Variants in TMEM108 observed in about 807,000 individuals in gnomAD.
The protein encoded by TMEM108 is cancer/testis antigen 124.
In TMEM108, 12 loss-of-function variants were observed where a neutral mutation model predicts 35.1. The ratio of observed to expected loss-of-function variants is 0.34; its 90% CI spans 0.22 to 0.55. The LOEUF is 0.55. Among genes scored for constraint, TMEM108 ranks in the 20% least tolerant of loss-of-function variants. The pLI, the probability that TMEM108 is intolerant of heterozygous loss-of-function variation, is 0.89. For missense variants in TMEM108, 680 were observed against 753.3 expected (o/e 0.90, Z 1.14); for synonymous variants, 287 against 308.6 (o/e 0.93, Z 0.73).
intron 3 of TMEM108, among the ~76,000 whole-genome samples, chr3:133,379,154 C>G (rs945646945): frequency 4.6e-5 from 7 of 152,190 alleles, no homozygotes; most frequent in Non-Finnish European, 1.0e-4. Context: ...CCTCCAGGGT[C>G]AGGGAGAGGG....
intron 2 of TMEM108, among the ~76,000 whole-genome samples, chr3:133,135,413 A>C (rs1944551532): frequency 6.6e-6 from 1 of 152,166 alleles, no homozygotes; most frequent in Non-Finnish European, 1.5e-5. Context: ...GTGTACATTA[A>C]ATTATGGAAG....
chr3:133,188,865 G>T (rs1281370935), intron 2 of TMEM108, among the ~76,000 whole-genome samples: 1 of 152,166 alleles, frequency 6.6e-6, no homozygotes, highest in African/African-American at 2.4e-5. Flanking sequence ...TAGGGACCCA[G>T]AACTCATCTA....
chr3:133,163,174 G>T (rs1269796387), intron 2 of TMEM108, among the ~76,000 whole-genome samples: 1 of 152,224 alleles, frequency 6.6e-6, no homozygotes, highest in Non-Finnish European at 1.5e-5. Flanking sequence ...GAGGGAAAGA[G>T]ACTCAGAAAG....
intron 2 of TMEM108, among the ~76,000 whole-genome samples, chr3:133,185,477 AT>A (rs1945405484): frequency 1.3e-5 from 2 of 149,926 alleles, no homozygotes; most frequent in South Asian, 4.3e-4. Flanking sequence ...CTCCCGTTCT[AT>A]GCTCAGACAT....
At chr3:133,107,495 TG>T (rs771643362) in intron 2 of TMEM108, among the ~76,000 whole-genome samples, 211 of 148,552 alleles carry the variant, frequency 1.4e-3, no homozygotes, top group Non-Finnish European at 2.0e-3. Context: ...TGTGTGTGTG[TG>T]TATAAAATGA....
chr3:133,311,522 A>G (rs1460352011), intron 3 of TMEM108, among the ~76,000 whole-genome samples: 1 of 152,110 alleles, frequency 6.6e-6, no homozygotes, highest in Non-Finnish European at 1.5e-5. Flanking sequence ...AAGCTTGTGC[A>G]TGTGTCACAA....
Position 133,395,905 on chromosome 3 carries a change from T to C in TMEM108, c.1647T>C (p.Tyr549=). 3 of 1,606,866 alleles carry C rather than the reference T, an allele frequency of 1.9e-6. No individual in the cohort carries two copies. Among genetic ancestry groups the C allele is most frequent in the African/African-American group, 1.3e-5 (1 of 74,612 alleles). The change falls in exon 6 of 6, where the codon TAT becomes TAC. Residue 549 remains tyrosine, a synonymous_variant. Coordinates refer to ENST00000321871, the MANE Select transcript of TMEM108 (RefSeq NM_023943.4). ...SEPRSPANGD[Y]RDTGMVLVNP... is the part of the protein sequence containing the mutation. ...CCCGCTCCCCAGCCAATGGCGACTA[T>C]AGAGACACTGGGATGGTCCTTGTTA...
rs538334224 is a variant in TMEM108 at position 133,387,200 on chromosome 3, G to C, written c.1451-2980G>C. 1.4e-5 allele frequency: 14 copies of C among 985,456 alleles called. No individual in the cohort carries two copies. In the African/African-American group the frequency reaches 2.1e-4, roughly 15 times the overall value. The allele number at this position is 985,456 out of a possible 1,614,324, so 61.0% of individuals were successfully genotyped here. Reference sequence around the variant, plus strand: ...AACTGTCATTAATTAAGCATCCATTGTGTGTCAGGCATTGTGTTTGGCATT... The same window carrying C: ...AACTGTCATTAATTAAGCATCCATTCTGTGTCAGGCATTGTGTTTGGCATT... On this transcript the variant is annotated intron_variant, in intron 4 of 5. Coordinates refer to ENST00000321871, the MANE Select transcript of TMEM108 (RefSeq NM_023943.4).
Position 133,073,510 on chromosome 3 carries a change from C to CTCTCTCTCTA in TMEM108, c.-47+27491_-47+27492insCTCTCTCTAT. On this transcript the variant is annotated intron_variant, in intron 2 of 5. Coordinates refer to ENST00000321871, the MANE Select transcript of TMEM108 (RefSeq NM_023943.4). ...TCTCTCTCTCTCTCTCTCTCTCTCT[C>CTCTCTCTCTA]TATATATATATATATATATATATAT... Among the ~76,000 whole-genome samples the CTCTCTCTCTA allele has an allele frequency of 5.0e-3, 219 of 43,892 alleles. 1 individual carries two copies. The highest frequency in any genetic ancestry group is 8.8e-3 in the African/African-American group (74 of 8,430). The allele number at this position is 43,892 out of a possible 152,430, so 28.8% of individuals were successfully genotyped here. A position where few individuals can be genotyped will look rare whatever the true frequency, so the allele number is the denominator to read the frequency against.
At chr3:133,291,105 A>G (rs950550230) in intron 3 of TMEM108, among the ~76,000 whole-genome samples, 1 of 152,218 alleles carries the variant, frequency 6.6e-6, no homozygotes, top group Non-Finnish European at 1.5e-5. Flanking sequence ...GCCATGTATA[A>G]CATACAGAGG....
intron 2 of TMEM108, among the ~76,000 whole-genome samples, chr3:133,062,313 A>G (rs577680885): frequency 1.4e-3 from 219 of 152,332 alleles, no homozygotes; most frequent in Non-Finnish European, 2.3e-3. Flanking sequence ...TTTTCTATTA[A>G]CGTCTCATCT....
chr3:133,065,488 A>G (rs1317265727), intron 2 of TMEM108, among the ~76,000 whole-genome samples: 1 of 151,012 alleles, frequency 6.6e-6, no homozygotes, highest in Non-Finnish European at 1.5e-5. Context: ...TATAAAAGAA[A>G]CCCAATTTTT....
intron 3 of TMEM108, among the ~76,000 whole-genome samples, chr3:133,233,898 T>A (rs1199564397): frequency 1.3e-5 from 2 of 151,832 alleles, no homozygotes; most frequent in Non-Finnish European, 2.9e-5. Context: ...TTTGTTTTTT[T>A]CTTGTAAATT....
At chr3:133,144,931 A>G (rs1014046183) in intron 2 of TMEM108, among the ~76,000 whole-genome samples, 1 of 151,552 alleles carries the variant, frequency 6.6e-6, no homozygotes, top group Non-Finnish European at 1.5e-5. Context: ...GTTCACTCTG[A>G]TAGTTTCTTT....
Position 133,380,242 on chromosome 3 carries a change from TAATTCATCACG to T in TMEM108, c.532_542del (p.Asn178ProfsTer13). 1 of 1,613,274 alleles carries T rather than the reference TAATTCATCACG, an allele frequency of 6.2e-7. No homozygotes were observed. On this transcript the variant is annotated frameshift_variant, in exon 4 of 6. Coordinates refer to ENST00000321871, the MANE Select transcript of TMEM108 (RefSeq NM_023943.4). LOFTEE classifies it high-confidence loss of function. This position sits in a 1 kb window ranked among gnomAD's most constrained non-coding sequence, Gnocchi z 5.3. ...CAGGCTCTTCCCGAAAAGGGGCTGG[TAATTCATCACG>T]CCCTGTCCCGCCTGCACCTGGTGGC...
At chr3:133,388,362 T>G (rs1439002007) in intron 4 of TMEM108, 2 of 963,802 alleles carry the variant, frequency 2.1e-6, no homozygotes, top group Non-Finnish European at 2.4e-6. Context: ...GCCAGCACTT[T>G]AGGCCACAGT....
chr3:133,240,302 T>C (rs1190383323), intron 3 of TMEM108, among the ~76,000 whole-genome samples: 1 of 152,218 alleles, frequency 6.6e-6, no homozygotes, highest in Admixed American at 6.5e-5. Context: ...AGTTTAGGCA[T>C]ACCAGGTCCT....
chr3:133,240,164 G>C (rs1946293459), intron 3 of TMEM108, among the ~76,000 whole-genome samples: 1 of 152,060 alleles, frequency 6.6e-6, no homozygotes, highest in East Asian at 1.9e-4. Context: ...CTGTTTTTGG[G>C]GGGCTTGATT....
chr3:133,091,030 C>T (rs1943941270), intron 2 of TMEM108, among the ~76,000 whole-genome samples: 1 of 152,030 alleles, frequency 6.6e-6, no homozygotes, highest in Non-Finnish European at 1.5e-5. Context: ...TAAATATATA[C>T]ATTTTTAATA....
Sources: allele counts gnomAD v4.1 joint callset (sites outside exome capture counted in the v4.1 genomes callset), GRCh38; gene constraint gnomAD v4.1.1; non-coding constraint Gnocchi (gnomAD v3.1); transcripts MANE v1.5; gene names NCBI Gene and HGNC (gene_info 2026-07-23, HGNC 2026-07-21).